PAMR1: variants seen among roughly 807,000 people sequenced by gnomAD.
PAMR1 encodes the protein peptidase domain containing associated with muscle regeneration 1.
Under a neutral mutation model 81.8 loss-of-function variants are expected in PAMR1, and 88 were observed. The ratio of observed to expected loss-of-function variants is 1.08; its 90% CI spans 0.91 to 1.28. PAMR1 has a LOEUF of 1.28. Among genes scored for constraint, PAMR1 ranks in the 50% most tolerant of loss-of-function variants. The probability of loss-of-function intolerance (pLI) is 0.00; values close to 1 mark genes in which losing one functional copy is unlikely to be tolerated. For missense variants in PAMR1, 935 were observed against 919.7 expected (o/e 1.02, Z -0.21); for synonymous variants, 336 against 345.3 (o/e 0.97, Z 0.30).
chr11:35,482,301 C>T (rs1200110813), intron 3 of PAMR1, among the ~76,000 whole-genome samples: 2 of 152,156 alleles, frequency 1.3e-5, no homozygotes, highest in Non-Finnish European at 2.9e-5. Flanking sequence ...GAATCCTTTC[C>T]TCATTGCTTG....
At chr11:35,462,227 G>A (rs1223007015) in intron 6 of PAMR1, among the ~76,000 whole-genome samples, 1 of 152,170 alleles carries the variant, frequency 6.6e-6, no homozygotes, top group Non-Finnish European at 1.5e-5. Flanking sequence ...TGGAGTGTCC[G>A]AATCTAGTTT....
At chr11:35,522,311 C>A (rs1010212382) in intron 1 of PAMR1, among the ~76,000 whole-genome samples, 1 of 152,182 alleles carries the variant, frequency 6.6e-6, no homozygotes, top group African/African-American at 2.4e-5. Flanking sequence ...GAACTTTTTG[C>A]TATTCCACAT....
chr11:35,441,420 C>A (rs1856161655), intron 7 of PAMR1, 61 bp downstream of exon 7: 9 of 1,218,352 alleles, frequency 7.4e-6, no homozygotes, highest in Non-Finnish European at 9.6e-6. Context: ...TGCAAAGGAG[C>A]TACCAAAAAG....
rs199696985 is a variant in PAMR1, at chr11:35,473,372, T to G, written c.494+1258A>C. The stretch of plus-strand genomic sequence containing the variant: ...TATTTTAGAATATCCTTTTGCATCT[T>G]GGATTTTGGAGAAGCTCCTCAGAGG... On this transcript the variant is annotated intron_variant, in intron 4 of 10. Coordinates refer to ENST00000619888, the MANE Select transcript of PAMR1 (RefSeq NM_001001991.3). Among the ~76,000 whole-genome samples, 5 of 152,314 alleles carry G rather than the reference T, an allele frequency of 3.3e-5. No individual in the cohort carries two copies. The East Asian group carries it at 9.7e-4, about 29-fold the overall frequency.
intron 10 of PAMR1, 122 bp downstream of exon 10, chr11:35,434,390 G>T: frequency 1.1e-6 from 1 of 882,608 alleles, no homozygotes; most frequent in Non-Finnish European, 1.8e-6. Context: ...GCTGCTATAT[G>T]CGAGGCTCTG....
chr11:35,486,634 T>C (rs1273569203), intron 3 of PAMR1, among the ~76,000 whole-genome samples: 4 of 152,230 alleles, frequency 2.6e-5, no homozygotes, highest in African/African-American at 9.6e-5. Context: ...TGAGGCTCCA[T>C]AAACAGCGTC....
intron 6 of PAMR1, among the ~76,000 whole-genome samples, chr11:35,448,159 T>C (rs941242885): frequency 1.3e-5 from 2 of 152,226 alleles, no homozygotes; most frequent in African/African-American, 4.8e-5. Flanking sequence ...GCTGGGGTTC[T>C]CTGGATTTCC....
At chr11:35,509,928 G>A (rs754524385) in intron 1 of PAMR1, among the ~76,000 whole-genome samples, 1 of 152,060 alleles carries the variant, frequency 6.6e-6, no homozygotes, top group African/African-American at 2.4e-5. Flanking sequence ...TTACCTTGTC[G>A]GTGCTTCCCA....
At chr11:35,512,073 G>A (rs189895268) in intron 1 of PAMR1, among the ~76,000 whole-genome samples, 86 of 152,268 alleles carry the variant, frequency 5.6e-4, no homozygotes, top group African/African-American at 2.0e-3. Flanking sequence ...GGAGAATCAA[G>A]GCCATCATCA....
upstream of PAMR1, among the ~76,000 whole-genome samples, chr11:35,529,734 G>A (rs914520985): frequency 2.6e-5 from 4 of 152,064 alleles, no homozygotes; most frequent in Admixed American, 2.0e-4. Flanking sequence ...TGCTTGCTTC[G>A]GGGAGAATAA....
At chr11:35,466,537 C>T (rs986906462) in intron 6 of PAMR1, among the ~76,000 whole-genome samples, 1 of 151,966 alleles carries the variant, frequency 6.6e-6, no homozygotes, top group African/African-American at 2.4e-5. Flanking sequence ...ACCATCCTGG[C>T]TAACACGGTG....
chr11:35,432,406 A>G lies in PAMR1; in HGVS notation c.2113T>C (p.Phe705Leu), dbSNP rs755544271. The change falls in exon 11 of 11, where the codon TTC becomes CTC. Residue 705 changes from phenylalanine to leucine, a missense_variant. Phe to Leu is a conservative substitution (Grantham distance 22). Coordinates refer to ENST00000619888, the MANE Select transcript of PAMR1 (RefSeq NM_001001991.3). Reference protein sequence around the residue: ...KTCSHRLSTAFTKVLPFKDWI... With the variant: ...KTCSHRLSTALTKVLPFKDWI... Reference sequence around the variant, plus strand: ...TCTTTAAAAGGCAGCACCTTGGTGAAGGCAGTGGAGAGCCTGTGGCTGCAT... The same window carrying G: ...TCTTTAAAAGGCAGCACCTTGGTGAGGGCAGTGGAGAGCCTGTGGCTGCAT... 7.4e-6 allele frequency: 12 copies of G among 1,613,894 alleles called. No individual in the cohort carries two copies. In the East Asian group the frequency reaches 2.4e-4, roughly 33 times the overall value.
intron 3 of PAMR1, among the ~76,000 whole-genome samples, chr11:35,491,356 G>A (rs1850621844): frequency 1.3e-5 from 2 of 152,282 alleles, no homozygotes; most frequent in South Asian, 2.1e-4. Flanking sequence ...TAGACTGCAA[G>A]ACCATTCTAA....
At chr11:35,494,035 G>A in intron 2 of PAMR1, 61 bp downstream of exon 2, 4 of 1,362,642 alleles carry the variant, frequency 2.9e-6, no homozygotes, top group Non-Finnish European at 3.1e-6. Context: ...CGTTCAGCCT[G>A]TTCCTGTTCA....
intron 1 of PAMR1, among the ~76,000 whole-genome samples, chr11:35,519,427 G>C (rs1043234506): frequency 1.2e-4 from 1 of 8,424 alleles, no homozygotes; most frequent in Non-Finnish European, 2.1e-4. Context: ...CAATGTCAGG[G>C]CCACACTGGA....
At chr11:35,439,717 G>T in intron 7 of PAMR1, 24 bp from the exon 8 acceptor site, 2 of 1,590,658 alleles carry the variant, frequency 1.3e-6, no homozygotes, top group Non-Finnish European at 1.7e-6. Context: ...AGACAATGCT[G>T]CATGATCCTT....
At chr11:35,502,620 A>T (rs941108269) in intron 1 of PAMR1, among the ~76,000 whole-genome samples, 1 of 152,138 alleles carries the variant, frequency 6.6e-6, no homozygotes, top group Non-Finnish European at 1.5e-5. Flanking sequence ...ATACTATTCC[A>T]TGGTGTATAT....
In PAMR1 at chr11:35,441,706, A is replaced by G. The variant is rs761012112; in HGVS notation, c.821-13T>C. 2.4e-5 allele frequency: 37 copies of G among 1,555,650 alleles called. No individual in the cohort carries two copies. The Middle Eastern group carries it at 5.1e-4, about 22-fold the overall frequency. ...CTTTCTTCAAGGACTAAAAGAAAGTAAAAGAAAAGGAGAATTGTTAAAAGT... is the reference window on the plus strand; with the variant it reads ...CTTTCTTCAAGGACTAAAAGAAAGTGAAAGAAAAGGAGAATTGTTAAAAGT... On this transcript the variant is annotated splice_polypyrimidine_tract_variant and intron_variant, in intron 6 of 10. Transcript: ENST00000619888.
In PAMR1 at chr11:35,492,487, C is replaced by A. The variant is rs539508098; in HGVS notation, c.251-314G>T. Among the ~76,000 whole-genome samples, 92 of 152,104 alleles carry A rather than the reference C, an allele frequency of 6.0e-4. 1 individual carries two copies. The South Asian group carries it at 0.017, about 28-fold the overall frequency. ...TATAGAGTCTTTTGTATAAATGTTACGTGTTTATTGTGGAATTTTTAGAAA... is the reference window on the plus strand; with the variant it reads ...TATAGAGTCTTTTGTATAAATGTTAAGTGTTTATTGTGGAATTTTTAGAAA... On this transcript the variant is annotated intron_variant, in intron 2 of 10. Coordinates refer to ENST00000619888, the MANE Select transcript of PAMR1 (RefSeq NM_001001991.3).
Sources: gnomAD v4.1 joint callset for allele counts (sites outside exome capture counted in the v4.1 genomes callset) on GRCh38, gnomAD v4.1.1 for gene constraint, MANE v1.5 for transcripts, NCBI Gene and HGNC (gene_info 2026-07-23, HGNC 2026-07-21) for gene names.